GOT1: variants seen among roughly 807,000 people sequenced by gnomAD.
GOT1 encodes the protein aspartate aminotransferase, cytoplasmic.
GOT1 carries 25 observed loss-of-function variants against 48.2 expected under a neutral mutation model. That is an observed-to-expected ratio of 0.52 (90% CI 0.38 to 0.72). The LOEUF (loss-of-function observed/expected upper bound fraction) is 0.72. Among genes scored for constraint, GOT1 ranks in the 30% least tolerant of loss-of-function variants. The pLI, the probability that GOT1 is intolerant of heterozygous loss-of-function variation, is 0.00. For synonymous variants in GOT1, 188 were observed against 193.8 expected (o/e 0.97, Z 0.25); for missense variants, 380 against 520.1 (o/e 0.73, Z 2.62).
intron 1 of GOT1, among the ~76,000 whole-genome samples, chr10:99,427,032 A>G (rs1403341791): frequency 3.3e-5 from 5 of 152,224 alleles, no homozygotes; most frequent in Admixed American, 3.3e-4. Flanking sequence ...TTCTACTCTA[A>G]TTAGATCCTT....
At chr10:99,405,947 C>T in intron 4 of GOT1, 87 bp from the exon 5 acceptor site, 1 of 838,200 alleles carries the variant, frequency 1.2e-6, no homozygotes, top group Non-Finnish European at 2.1e-6. Context: ...TGATGGAGGG[C>T]AAAGGGCAAC....
chr10:99,413,408 C>T (rs1334639992), intron 2 of GOT1, among the ~76,000 whole-genome samples: 17 of 152,178 alleles, frequency 1.1e-4, no homozygotes, highest in African/African-American at 2.4e-4. Flanking sequence ...TAAAAAGAAA[C>T]GAACAAAGCC....
chr10:99,414,206 CAG>C (rs1353449612), intron 2 of GOT1, among the ~76,000 whole-genome samples: 1 of 152,120 alleles, frequency 6.6e-6, no homozygotes, highest in African/African-American at 2.4e-5. Context: ...ATCTCACGTG[CAG>C]AGACATACAT....
chr10:99,406,009 T>G (rs2032750279), intron 4 of GOT1, 128 bp downstream of exon 4: 1 of 801,016 alleles, frequency 1.2e-6, no homozygotes, highest in South Asian at 1.4e-5. Flanking sequence ...TCTTACATGC[T>G]ATGTCAGAAA....
chr10:99,404,665 C>T (rs2032729874), intron 5 of GOT1, among the ~76,000 whole-genome samples: 1 of 152,164 alleles, frequency 6.6e-6, no homozygotes. Context: ...TGACCCATTC[C>T]CTGCTATGAC....
intron 2 of GOT1, among the ~76,000 whole-genome samples, chr10:99,418,799 G>A (rs1430898256): frequency 2.0e-5 from 3 of 152,000 alleles, no homozygotes; most frequent in South Asian, 4.2e-4. Context: ...CACCACGCCT[G>A]GCCAGTTCCC....
chr10:99,417,016 T>C (rs1316221288), intron 2 of GOT1, among the ~76,000 whole-genome samples: 1 of 152,224 alleles, frequency 6.6e-6, no homozygotes, highest in Non-Finnish European at 1.5e-5. Flanking sequence ...GACATAGGCA[T>C]GGGCAAGGAC....
intron 3 of GOT1, 107 bp from the exon 4 acceptor site, chr10:99,406,356 G>T: frequency 1.3e-6 from 1 of 771,602 alleles, no homozygotes. Context: ...ATGTCCACTG[G>T]GCATCATCCA....
chr10:99,409,422 C>T (rs12358477), intron 2 of GOT1, among the ~76,000 whole-genome samples: 69,994 of 152,038 alleles, frequency 0.46, 18,786 homozygotes, highest in Non-Finnish European at 0.6. Context: ...TGAGCCACCA[C>T]GCCTGGCCAA....
At chr10:99,425,532 C>T (rs867461865) in intron 1 of GOT1, among the ~76,000 whole-genome samples, 4 of 152,106 alleles carry the variant, frequency 2.6e-5, no homozygotes, top group Non-Finnish European at 4.4e-5. Context: ...ATTCCAGAAG[C>T]GAAATAATGA....
chr10:99,398,200 C>T (rs968550155), intron 8 of GOT1, among the ~76,000 whole-genome samples: 1 of 152,216 alleles, frequency 6.6e-6, no homozygotes, highest in African/African-American at 2.4e-5. Flanking sequence ...ATGACACAGA[C>T]CTCTCTGACC....
At chr10:99,420,592 A>G in intron 2 of GOT1, 32 bp downstream of exon 2, 1 of 1,522,516 alleles carries the variant, frequency 6.6e-7, no homozygotes, top group Non-Finnish European at 9.0e-7. Flanking sequence ...TTCAGTTTCT[A>G]AAGAGAAAAT....
chr10:99,417,412 T>C (rs1478693931), intron 2 of GOT1, among the ~76,000 whole-genome samples: 3 of 152,238 alleles, frequency 2.0e-5, no homozygotes, highest in East Asian at 3.9e-4. Flanking sequence ...ATGGTGATCA[T>C]TAAAAAGTCA....
At chr10:99,417,778 C>T (rs2032914992) in intron 2 of GOT1, among the ~76,000 whole-genome samples, 1 of 152,140 alleles carries the variant, frequency 6.6e-6, no homozygotes, top group Non-Finnish European at 1.5e-5. Flanking sequence ...TGGAAACCAT[C>T]ATTCTCAGCA....
intron 2 of GOT1, among the ~76,000 whole-genome samples, chr10:99,411,103 A>G (rs113210191): frequency 6.6e-6 from 1 of 152,264 alleles, no homozygotes; most frequent in African/African-American, 2.4e-5. Context: ...ATGGTACTAC[A>G]TAAGCATGTG....
Position 99,403,584 on chromosome 10 carries a change from G to T in GOT1, c.844C>A (p.Leu282Met). The T allele has an allele frequency of 6.2e-7, 1 of 1,614,172 alleles. No homozygotes were observed. The highest frequency in any genetic ancestry group is 8.5e-7 in the Non-Finnish European group (1 of 1,180,004). ...TVVGKEPESI[L>M]QVLSQMEKIV... ...TTCTCCATCTGGGAAAGGACTTGCA[G>T]GATGCTCTCAGGTTCTTTTCCAACC... The change falls in exon 7 of 9, where the codon CTG becomes ATG. Residue 282 changes from leucine (L) to methionine (M), a missense_variant. Physicochemically the swap from Leu to Met is conservative, Grantham distance 15 (BLOSUM62 2). Transcript: ENST00000370508.
chr10:99,409,130 T>G (rs951695187), intron 2 of GOT1, among the ~76,000 whole-genome samples: 23 of 119,458 alleles, frequency 1.9e-4, no homozygotes, highest in South Asian at 6.6e-4. Context: ...TTTTTTTGTG[T>G]TTTTTTTTTG....
intron 2 of GOT1, among the ~76,000 whole-genome samples, chr10:99,409,159 G>C (rs946638838): frequency 5.9e-5 from 9 of 151,700 alleles, no homozygotes; most frequent in African/African-American, 2.2e-4. Context: ...TTGAGACAGA[G>C]TCTCGCTCTG....
At chr10:99,416,026 G>A (rs922268572) in intron 2 of GOT1, among the ~76,000 whole-genome samples, 3 of 152,026 alleles carry the variant, frequency 2.0e-5, no homozygotes, top group Admixed American at 6.6e-5. Flanking sequence ...CTTTGAAAAC[G>A]GGCACAAGAC....
Sources: allele counts gnomAD v4.1 joint callset (sites outside exome capture counted in the v4.1 genomes callset), GRCh38; gene constraint gnomAD v4.1.1; transcripts MANE v1.5; gene names NCBI Gene and HGNC (gene_info 2026-07-23, HGNC 2026-07-21).